The following ZFP14 variants were observed in gnomAD, a reference collection of about 807,000 sequenced individuals.
ZFP14 encodes ZFP14 zinc finger protein.
A neutral mutation model predicts 54.5 loss-of-function variants in ZFP14; 22 were observed. The observed-to-expected ratio is 0.40, with a 90% CI of 0.29 to 0.58. The LOEUF is 0.58. Among genes scored for constraint, ZFP14 ranks in the 20% least tolerant of loss-of-function variants. The probability of loss-of-function intolerance (pLI) is 0.39; values close to 1 mark genes in which losing one functional copy is unlikely to be tolerated. For missense variants in ZFP14, 470 were observed against 637.8 expected, an observed-to-expected ratio of 0.74 and a Z score of 2.83; for synonymous variants, 159 against 204.0, an observed-to-expected ratio of 0.78 and a Z score of 1.88.
intron 1 of ZFP14, among the ~76,000 whole-genome samples, chr19:36,372,061 AAAG>A (rs568355109): frequency 6.0e-5 from 9 of 150,632 alleles, no homozygotes; most frequent in Non-Finnish European, 8.9e-5. Flanking sequence ...AAAGAAAGAA[AAAG>A]AAGAAAGGAA....
intron 4 of ZFP14, among the ~76,000 whole-genome samples, chr19:36,344,069 C>A (rs1385973825): frequency 6.6e-6 from 1 of 152,198 alleles, no homozygotes; most frequent in Non-Finnish European, 1.5e-5. Flanking sequence ...GTGGCACAAT[C>A]TCAGCTCACT....
At chr19:36,356,467 T>C (rs190132070) in intron 4 of ZFP14, among the ~76,000 whole-genome samples, 13 of 151,872 alleles carry the variant, frequency 8.6e-5, no homozygotes, top group Admixed American at 3.3e-4. Flanking sequence ...GTATATTCCA[T>C]AGAGCTTACT....
chr19:36,347,787 G>A (rs148122788), intron 4 of ZFP14, among the ~76,000 whole-genome samples: 13 of 152,236 alleles, frequency 8.5e-5, no homozygotes, highest in Non-Finnish European at 1.6e-4. Flanking sequence ...CAGGCTGTGC[G>A]CAGTGGCTCA....
intron 4 of ZFP14, chr19:36,359,972 CGG>C (rs2031683431): frequency 6.6e-6 from 1 of 152,094 alleles, no homozygotes; most frequent in Admixed American, 6.6e-5. Flanking sequence ...ATTCTTTTAA[CGG>C]CTATAGGATC....
rs2031231949 is a variant in ZFP14 at position 36,337,752 on chromosome 19, G to T, written c.*2472C>A. Reference sequence around the variant, plus strand: ...TGGACTTCCTATTGCATTACGTCAGGAAGTGTGTTGTCTGATAGACCCATT... The same window carrying T: ...TGGACTTCCTATTGCATTACGTCAGTAAGTGTGTTGTCTGATAGACCCATT... On this transcript the variant is annotated 3_prime_UTR_variant, in exon 5 of 5. Coordinates refer to ENST00000270001, the MANE Select transcript of ZFP14 (RefSeq NM_020917.3). 1 of 152,084 alleles carries T rather than the reference G, an allele frequency of 6.6e-6. No individual in the cohort carries two copies. The highest frequency in any genetic ancestry group is 1.5e-5 in the Non-Finnish European group (1 of 68,028). 9.4% of individuals were successfully genotyped at this position (152,084 alleles called of 1,614,324 possible).
intron 3 of ZFP14, among the ~76,000 whole-genome samples, chr19:36,361,857 G>C (rs961814646): frequency 6.6e-6 from 1 of 152,078 alleles, no homozygotes; most frequent in Non-Finnish European, 1.5e-5. Context: ...GGTGAAGTCT[G>C]GTTTCTTGAA....
rs1329317959 is a variant in ZFP14 at position 36,340,458 on chromosome 19, T to C, written c.1368A>G (p.Glu456=). The C allele has an allele frequency of 6.2e-7, 1 of 1,613,896 alleles. No homozygotes were observed. The highest frequency in any genetic ancestry group is 2.2e-5 in the East Asian group (1 of 44,864). Residue 456 remains glutamate, a synonymous_variant, in exon 5 of 5, where the codon GAA becomes GAG. Transcript: ENST00000270001. The surrounding 1 kb of genome is among the most constrained non-coding windows in gnomAD (Gnocchi z 5.4). ...HTGEKPYECK[E]CRKPFRLLSQ... ...AGAGCAGTCTAAAAGGTTTTCTACA[T>C]TCCTTACATTCATAAGGTTTCTCAC...
intron 1 of ZFP14, among the ~76,000 whole-genome samples, chr19:36,370,257 A>T (rs941829899): frequency 5.3e-5 from 8 of 152,124 alleles, no homozygotes; most frequent in African/African-American, 1.4e-4. Context: ...CAGTGTAGAC[A>T]GAGGTATTGC....
chr19:36,348,426 G>T (rs1428830769), intron 4 of ZFP14, among the ~76,000 whole-genome samples: 1 of 152,036 alleles, frequency 6.6e-6, no homozygotes, highest in African/African-American at 2.4e-5. Flanking sequence ...TGTGTATCAG[G>T]GTAACACCAG....
intron 1 of ZFP14, chr19:36,378,405 T>C (rs1177056535): frequency 6.6e-6 from 1 of 152,208 alleles, no homozygotes; most frequent in Admixed American, 6.5e-5. Context: ...TTCTATTAAT[T>C]TTGCAACTGG....
At chr19:36,346,924 T>C (rs1390721837) in intron 4 of ZFP14, among the ~76,000 whole-genome samples, 1 of 152,178 alleles carries the variant, frequency 6.6e-6, no homozygotes, top group Non-Finnish European at 1.5e-5. Context: ...ATAATAAAGG[T>C]AATGTCTCCT....
chr19:36,360,903 T>A (rs1354343414), intron 3 of ZFP14, among the ~76,000 whole-genome samples: 2 of 152,190 alleles, frequency 1.3e-5, no homozygotes, highest in African/African-American at 4.8e-5. Flanking sequence ...AGCAAATTAT[T>A]AACCTTTTGT....
At chr19:36,349,240 A>AG (rs2031476887) in intron 4 of ZFP14, among the ~76,000 whole-genome samples, 1 of 38,584 alleles carries the variant, frequency 2.6e-5, no homozygotes, top group African/African-American at 1.7e-4. Context: ...TCAAAAAAAA[A>AG]AACAAAAAAA....
chr19:36,358,416 T>G (rs57488812), intron 4 of ZFP14, among the ~76,000 whole-genome samples: 53,621 of 152,016 alleles, frequency 0.35, 9,660 homozygotes, highest in South Asian at 0.43. Flanking sequence ...CGGCCTGATT[T>G]TTTAATATTA....
At chr19:36,358,184 C>T (rs2031652943) in intron 4 of ZFP14, among the ~76,000 whole-genome samples, 1 of 149,242 alleles carries the variant, frequency 6.7e-6, no homozygotes, top group African/African-American at 2.5e-5. Context: ...GATCTCGGCT[C>T]ACTGCAAACT....
chr19:36,371,241 C>T (rs756125147), intron 1 of ZFP14, among the ~76,000 whole-genome samples: 6 of 151,602 alleles, frequency 4.0e-5, no homozygotes, highest in African/African-American at 9.7e-5. Context: ...CCAGCCTGGG[C>T]GACAGAGCGA....
chr19:36,374,124 A>C (rs1352524118), intron 1 of ZFP14, among the ~76,000 whole-genome samples: 1 of 152,192 alleles, frequency 6.6e-6, no homozygotes, highest in Non-Finnish European at 1.5e-5. Context: ...GTGAAGCAGC[A>C]TTTCAATCCT....
intron 4 of ZFP14, among the ~76,000 whole-genome samples, chr19:36,357,917 A>C (rs745504659): frequency 2.0e-5 from 3 of 151,176 alleles, no homozygotes; most frequent in Non-Finnish European, 4.4e-5. Flanking sequence ...TAATTTTTGT[A>C]TTTTTAGTAG....
intron 1 of ZFP14, among the ~76,000 whole-genome samples, chr19:36,375,238 T>A (rs1394919885): frequency 6.6e-6 from 1 of 152,144 alleles, no homozygotes; most frequent in Non-Finnish European, 1.5e-5. Context: ...ATAAAAACTG[T>A]AAGGCATACA....
Sources: gnomAD v4.1 joint callset for allele counts (sites outside exome capture counted in the v4.1 genomes callset) on GRCh38, gnomAD v4.1.1 for gene constraint, Gnocchi (gnomAD v3.1) non-coding constraint, MANE v1.5 for transcripts, NCBI Gene and HGNC (gene_info 2026-07-23, HGNC 2026-07-21) for gene names.